DSCAM: variants seen among roughly 807,000 people sequenced by gnomAD.
DSCAM encodes the protein cell adhesion molecule DSCAM.
Under a neutral mutation model 217.7 loss-of-function variants are expected in DSCAM, and 47 were observed. The ratio of observed to expected loss-of-function variants is 0.22; its 90% CI spans 0.17 to 0.28. The LOEUF (loss-of-function observed/expected upper bound fraction) is 0.28, where lower values mean the gene tolerates loss of function less well. Among genes scored for constraint, DSCAM ranks in the 10% least tolerant of loss-of-function variants. The pLI is 1.00. For synonymous variants in DSCAM, 1,056 were observed against 1,015.3 expected, an observed-to-expected ratio of 1.04 and a Z score of -0.76; for missense variants, 2,080 against 2,618.3, an observed-to-expected ratio of 0.79 and a Z score of 4.49.
Position 40,117,710 on chromosome 21 carries a change from T to G in DSCAM, c.3696+6485A>C, listed in dbSNP as rs187313666. 1.7e-3 allele frequency among the ~76,000 whole-genome samples: 253 copies of G among 152,334 alleles called. 1 individual carries two copies. Among genetic ancestry groups the G allele is most frequent in the South Asian group, 3.5e-3 (17 of 4,824 alleles). On this transcript the variant is annotated intron_variant, in intron 20 of 32. Transcript: ENST00000400454. ...CGGAGGGCATCACGTGTAGTAAATGTAAGTTTGTGGTGTGCGAGTACTTTC... is the reference window on the plus strand; with the variant it reads ...CGGAGGGCATCACGTGTAGTAAATGGAAGTTTGTGGTGTGCGAGTACTTTC...
intron 32 of DSCAM, among the ~76,000 whole-genome samples, chr21:40,021,224 A>G (rs1049508750): frequency 6.6e-6 from 1 of 151,592 alleles, no homozygotes; most frequent in African/African-American, 2.4e-5. Context: ...AAAAAAAAAA[A>G]AAGAAAAGAA....
At chr21:40,089,865 A>C (rs1279393232) in intron 21 of DSCAM, among the ~76,000 whole-genome samples, 2 of 146,618 alleles carry the variant, frequency 1.4e-5, no homozygotes, top group Non-Finnish European at 3.1e-5. Flanking sequence ...GAAAAGTTGA[A>C]CATTTCTGGA....
intron 4 of DSCAM, among the ~76,000 whole-genome samples, chr21:40,362,392 G>C (rs1895714294): frequency 6.6e-6 from 1 of 152,122 alleles, no homozygotes; most frequent in South Asian, 2.1e-4. Flanking sequence ...TTATGAACTG[G>C]AATTTATTTC....
Position 40,013,579 on chromosome 21 carries a change from C to T in DSCAM, c.5687-193G>A, listed in dbSNP as rs370071729. Among the ~76,000 whole-genome samples, 4 of 152,260 alleles carry T rather than the reference C, an allele frequency of 2.6e-5. No homozygotes were observed. In the East Asian group the frequency reaches 5.8e-4, roughly 22 times the overall value. The stretch of plus-strand genomic sequence containing the variant: ...ATCGTCCTCCTACCTCCTCCCTGGG[C>T]GCGGGAGGAGCTCATTTTCCTACAG... On this transcript the variant is annotated intron_variant, in intron 32 of 32. Transcript: ENST00000400454.
intron 3 of DSCAM, among the ~76,000 whole-genome samples, chr21:40,418,512 G>A (rs2075393081): frequency 6.6e-6 from 1 of 152,116 alleles, no homozygotes; most frequent in African/African-American, 2.4e-5. Flanking sequence ...GAAGATTATG[G>A]CCACAAGAAC....
chr21:40,760,438 C>G (rs974501774), intron 1 of DSCAM, among the ~76,000 whole-genome samples: 2 of 152,200 alleles, frequency 1.3e-5, no homozygotes, highest in Non-Finnish European at 2.9e-5. Context: ...TGCACAGGAG[C>G]CACAGGTCAT....
intron 11 of DSCAM, among the ~76,000 whole-genome samples, chr21:40,203,999 T>C (rs2091097889): frequency 6.6e-6 from 1 of 152,262 alleles, no homozygotes. Context: ...ATAACGGTTG[T>C]GTCCATCATA....
At chr21:40,709,500 C>T (rs779316498) in intron 1 of DSCAM, among the ~76,000 whole-genome samples, 1 of 152,028 alleles carries the variant, frequency 6.6e-6, no homozygotes, top group African/African-American at 2.4e-5. Flanking sequence ...AGTTCCCCAA[C>T]CCCAACAGGC....
chr21:40,206,685 C>CA (rs770011085), intron 11 of DSCAM, among the ~76,000 whole-genome samples: 2,937 of 108,382 alleles, frequency 0.027, 42 homozygotes, highest in African/African-American at 0.046. Context: ...CTGGGATTTG[C>CA]CAAAAAAAAA....
At chr21:40,483,141 A>G (rs1202777961) in intron 3 of DSCAM, among the ~76,000 whole-genome samples, 2 of 152,244 alleles carry the variant, frequency 1.3e-5, no homozygotes, top group Non-Finnish European at 2.9e-5. Context: ...AAACAGAAGA[A>G]ATGTCATTTA....
At chr21:40,126,505 T>C (rs2837439) in intron 19 of DSCAM, among the ~76,000 whole-genome samples, 24,595 of 152,162 alleles carry the variant, frequency 0.16, 2,652 homozygotes, top group African/African-American at 0.31. Context: ...AAAATGCAGA[T>C]GCTACACATT....
At chr21:40,072,504 C>G (rs900688763) in intron 27 of DSCAM, among the ~76,000 whole-genome samples, 6 of 151,946 alleles carry the variant, frequency 3.9e-5, no homozygotes, top group Non-Finnish European at 5.9e-5. Context: ...CCGCCACCAC[C>G]CCCGGCTAAT....
chr21:40,469,539 T>C (rs930686482), intron 3 of DSCAM, among the ~76,000 whole-genome samples: 1 of 152,154 alleles, frequency 6.6e-6, no homozygotes, highest in African/African-American at 2.4e-5. Context: ...ATGTTAGATG[T>C]TTAAAGCAAA....
intron 10 of DSCAM, among the ~76,000 whole-genome samples, chr21:40,282,247 AC>A (rs2073770499): frequency 6.6e-6 from 1 of 152,166 alleles, no homozygotes; most frequent in Non-Finnish European, 1.5e-5. Context: ...AATACACACA[AC>A]CTGAAAACTC....
At chr21:40,095,468 T>A (rs781775613) in intron 20 of DSCAM, among the ~76,000 whole-genome samples, 7 of 152,204 alleles carry the variant, frequency 4.6e-5, no homozygotes, top group Non-Finnish European at 8.8e-5. Context: ...CATTTGTGAT[T>A]CTCTTCATTT....
At chr21:40,447,510 A>G (rs761861330) in intron 3 of DSCAM, among the ~76,000 whole-genome samples, 5 of 152,204 alleles carry the variant, frequency 3.3e-5, no homozygotes, top group Non-Finnish European at 7.3e-5. Context: ...TGATCACAAA[A>G]CATTACTCAA....
chr21:40,750,360 T>C (rs964364313), intron 1 of DSCAM, among the ~76,000 whole-genome samples: 1 of 152,240 alleles, frequency 6.6e-6, no homozygotes, highest in Non-Finnish European at 1.5e-5. Context: ...TAATTGACAC[T>C]ATTGATCATG....
chr21:40,406,291 C>T (rs1214598357), intron 3 of DSCAM, among the ~76,000 whole-genome samples: 1 of 152,134 alleles, frequency 6.6e-6, no homozygotes, highest in African/African-American at 2.4e-5. Flanking sequence ...CCAGCAGTCC[C>T]ACTAGTTGGT....
chr21:40,272,428 T>C (rs1395437824), intron 11 of DSCAM, among the ~76,000 whole-genome samples: 3 of 152,226 alleles, frequency 2.0e-5, no homozygotes, highest in African/African-American at 7.2e-5. Flanking sequence ...ACATGCTTGC[T>C]GGCTTTCTTC....
Sources: allele counts gnomAD v4.1 joint callset (sites outside exome capture counted in the v4.1 genomes callset), GRCh38; gene constraint gnomAD v4.1.1; transcripts MANE v1.5; gene names NCBI Gene and HGNC (gene_info 2026-07-23, HGNC 2026-07-21).